PHAX: variants seen among roughly 807,000 people sequenced by gnomAD.
PHAX encodes the protein phosphorylated adaptor for RNA export, also known as phosphorylated adapter RNA export protein.
Under a neutral mutation model 41.6 loss-of-function variants are expected in PHAX, and 31 were observed. The observed-to-expected ratio is 0.75, with a 90% CI of 0.56 to 1.01. PHAX has a LOEUF of 1.01. Ranked by LOEUF, PHAX falls within the 50% of genes least tolerant of loss-of-function variation. The pLI is 0.00. For missense variants in PHAX, 453 were observed against 472.9 expected (o/e 0.96, Z 0.39); for synonymous variants, 175 against 164.9 (o/e 1.06, Z -0.47).
At position 126,621,894 on chromosome 5, in the gene PHAX, G is replaced by A. The variant is rs571779734; in HGVS notation, c.916-2681G>A. On this transcript the variant is annotated intron_variant, in intron 4 of 4. Coordinates refer to ENST00000297540, the MANE Select transcript of PHAX (RefSeq NM_032177.4). ...CAACATGTTGCAACAACATTTTGGG[G>A]ACCATTTCCCACTTTGTTCTATTAA... 7.9e-5 allele frequency among the ~76,000 whole-genome samples: 12 copies of A among 152,286 alleles called. No homozygotes were observed. In the South Asian group the frequency reaches 2.3e-3, roughly 29 times the overall value.
At chr5:126,614,859 C>T (rs766600334) in intron 3 of PHAX, among the ~76,000 whole-genome samples, 8 of 151,970 alleles carry the variant, frequency 5.3e-5, no homozygotes, top group East Asian at 3.8e-4. Flanking sequence ...CGGGTTCAAG[C>T]GATTCTCCTG....
intron 4 of PHAX, among the ~76,000 whole-genome samples, chr5:126,617,570 C>T (rs1171574462): frequency 6.6e-6 from 1 of 152,152 alleles, no homozygotes; most frequent in African/African-American, 2.4e-5. Flanking sequence ...CCTCCGCCTC[C>T]CGGGTTCAAG....
intron 3 of PHAX, among the ~76,000 whole-genome samples, chr5:126,613,068 G>A (rs1270370320): frequency 6.6e-6 from 1 of 152,278 alleles, no homozygotes; most frequent in South Asian, 2.1e-4. Flanking sequence ...AAACCAATTG[G>A]CCAGGCGCAG....
chr5:126,623,272 G>A (rs888103845), intron 4 of PHAX, among the ~76,000 whole-genome samples: 4 of 152,122 alleles, frequency 2.6e-5, no homozygotes, highest in African/African-American at 7.2e-5. Flanking sequence ...GGGTGACAGC[G>A]AGGCCCCATC....
In PHAX at chr5:126,608,396, G is replaced by A. The variant is rs772692926; in HGVS notation, c.743G>A (p.Arg248Gln). 1.4e-5 allele frequency: 22 copies of A among 1,613,434 alleles called. No homozygotes were observed. Among genetic ancestry groups the A allele is most frequent in the Admixed American group, 8.3e-5 (5 of 59,994 alleles). ...GAACCAAAGAAAGACCTGATAGCCCGAGTAGTGAGGATTATTGGTAACAAA... is the reference window on the plus strand; with the variant it reads ...GAACCAAAGAAAGACCTGATAGCCCAAGTAGTGAGGATTATTGGTAACAAA... ...LQEPKKDLIARVVRIIGNKKA... is the reference protein window; with the variant it reads ...LQEPKKDLIAQVVRIIGNKKA... Residue 248 changes from arginine (R) to glutamine (Q), a missense_variant, in exon 3 of 5, where the codon CGA (arginine) becomes CAA (glutamine). Physicochemically the swap from Arg to Gln is conservative, Grantham distance 43. Coordinates refer to ENST00000297540, the MANE Select transcript of PHAX (RefSeq NM_032177.4).
At chr5:126,607,660 C>A (rs553063086) in intron 2 of PHAX, among the ~76,000 whole-genome samples, 2 of 152,124 alleles carry the variant, frequency 1.3e-5, no homozygotes, top group Non-Finnish European at 2.9e-5. Flanking sequence ...ACCTCGGCCT[C>A]CCAAAATGCT....
chr5:126,602,575 A>T (rs1336272792), intron 1 of PHAX, among the ~76,000 whole-genome samples: 1 of 152,248 alleles, frequency 6.6e-6, no homozygotes, highest in Non-Finnish European at 1.5e-5. Context: ...AACAAAGACA[A>T]ATACTTGCTT....
chr5:126,616,753 G>A (rs1412524979), intron 3 of PHAX, among the ~76,000 whole-genome samples: 3 of 151,822 alleles, frequency 2.0e-5, no homozygotes, highest in Non-Finnish European at 4.4e-5. Flanking sequence ...GGTGGGGAGT[G>A]CCTATAATCC....
rs1485296898 is a variant in PHAX at position 126,624,838 on chromosome 5, C to T, written c.1179C>T (p.Ile393=). The change falls in exon 5 of 5, where the codon ATC becomes ATT. Residue 393 remains isoleucine, a synonymous_variant. Coordinates refer to ENST00000297540, the MANE Select transcript of PHAX (RefSeq NM_032177.4). The stretch of plus-strand genomic sequence containing the variant: ...TTGATCATTCTCATGATTTGGACAT[C>T]TTTTAAGTACATTTTCAACAGTTTG... The part of the protein sequence containing the change: ...IEVDHSHDLD[I]F 6.2e-7 allele frequency: 1 copy of T among 1,601,614 alleles called. No homozygotes were observed. The highest frequency in any genetic ancestry group is 8.5e-7 in the Non-Finnish European group (1 of 1,175,214).
intron 3 of PHAX, among the ~76,000 whole-genome samples, chr5:126,610,201 T>C (rs1316708042): frequency 6.6e-6 from 1 of 152,218 alleles, no homozygotes; most frequent in African/African-American, 2.4e-5. Flanking sequence ...TTTGAGAAGC[T>C]CTTTACTGTT....
rs766312513 is a variant in PHAX at position 126,600,948 on chromosome 5, G to A, written c.-15G>A. 3 of 1,589,666 alleles carry A rather than the reference G, an allele frequency of 1.9e-6. No individual in the cohort carries two copies. The highest frequency in any genetic ancestry group is 3.4e-5 in the Admixed American group (2 of 59,080). On this transcript the variant is annotated 5_prime_UTR_variant, in exon 1 of 5. Transcript: ENST00000297540. ...TCCTGACCCGCCGCTGTGCAGCGCAGCGCACCGCGGGAAGATGGCGTTGGA... is the reference window on the plus strand; with the variant it reads ...TCCTGACCCGCCGCTGTGCAGCGCAACGCACCGCGGGAAGATGGCGTTGGA...
chr5:126,617,518 A>G (rs1752204575), intron 4 of PHAX, among the ~76,000 whole-genome samples, 185 bp downstream of exon 4: 3 of 152,034 alleles, frequency 2.0e-5, no homozygotes, highest in Admixed American at 2.0e-4. Flanking sequence ...TCACTCTGTC[A>G]CCCAGGCTGG....
intron 4 of PHAX, among the ~76,000 whole-genome samples, chr5:126,622,850 GCGCGGTGGC>G (rs1752293345): frequency 6.6e-6 from 1 of 152,090 alleles, no homozygotes. Flanking sequence ...ATTGGGCCGG[GCGCGGTGGC>G]TTACCCCTGT....
At chr5:126,614,310 G>T (rs1001915296) in intron 3 of PHAX, among the ~76,000 whole-genome samples, 6 of 151,936 alleles carry the variant, frequency 3.9e-5, no homozygotes, top group African/African-American at 1.5e-4. Context: ...TGTTGGCCAG[G>T]CTGGTCTCAA....
intron 2 of PHAX, among the ~76,000 whole-genome samples, chr5:126,607,346 T>G (rs1478797073): frequency 6.6e-6 from 1 of 150,896 alleles, no homozygotes; most frequent in Non-Finnish European, 1.5e-5. Context: ...AAAAATGCAC[T>G]GCCTCCTGTT....
chr5:126,624,963 G>A lies in PHAX; in HGVS notation c.*119G>A. 1 of 878,088 alleles carries A rather than the reference G, an allele frequency of 1.1e-6. No homozygotes were observed. Among genetic ancestry groups the A allele is most frequent in the Non-Finnish European group, 1.7e-6 (1 of 582,000 alleles). The allele number at this position is 878,088 out of a possible 1,614,324, so 54.4% of individuals were successfully genotyped here. A position where few individuals can be genotyped will look rare whatever the true frequency, so the allele number is the denominator to read the frequency against. On this transcript the variant is annotated 3_prime_UTR_variant, in exon 5 of 5. Transcript: ENST00000297540. ...ATGAGAATCTGGAGGAAAGACAATTGTTTTCTTGTTTAAAATATGTGTGGA... is the reference window on the plus strand; with the variant it reads ...ATGAGAATCTGGAGGAAAGACAATTATTTTCTTGTTTAAAATATGTGTGGA...
rs1033335441 is a variant in PHAX at position 126,626,832 on chromosome 5, A to G, written c.*1988A>G. ...AGGCCGAGGCAGGAGAATCACTTGA[A>G]CCCAGGAGGCAGAGGTTGCAGTGAG... On this transcript the variant is annotated 3_prime_UTR_variant, in exon 5 of 5. Transcript: ENST00000297540. 5 of 152,036 alleles carry G rather than the reference A, an allele frequency of 3.3e-5. No homozygotes were observed. Among genetic ancestry groups the G allele is most frequent in the African/African-American group, 1.2e-4 (5 of 41,386 alleles). 9.4% of individuals were successfully genotyped at this position (152,036 alleles called of 1,614,324 possible). A position where few individuals can be genotyped will look rare whatever the true frequency, so the allele number is the denominator to read the frequency against.
rs560437958 is a variant in PHAX at position 126,617,990 on chromosome 5, A to G, written c.915+657A>G. Among the ~76,000 whole-genome samples the G allele has an allele frequency of 3.1e-3, 472 of 150,996 alleles. 3 individuals are homozygous for G. The highest frequency in any genetic ancestry group is 0.011 in the African/African-American group (447 of 41,176). ...AGACAGGGTCTAAGGACCTGGCTCT[A>G]TTGCCCAGGCTGGAGTGCAGTGGCG... On this transcript the variant is annotated intron_variant, in intron 4 of 4. Coordinates refer to ENST00000297540, the MANE Select transcript of PHAX (RefSeq NM_032177.4).
At chr5:126,610,056 C>CA (rs1752056668) in intron 3 of PHAX, among the ~76,000 whole-genome samples, 1 of 152,116 alleles carries the variant, frequency 6.6e-6, no homozygotes, top group Non-Finnish European at 1.5e-5. Flanking sequence ...GTTATGTAAG[C>CA]ACAGATAGAT....
Sources: allele counts gnomAD v4.1 joint callset (sites outside exome capture counted in the v4.1 genomes callset), GRCh38; gene constraint gnomAD v4.1.1; transcripts MANE v1.5; gene names NCBI Gene and HGNC (gene_info 2026-07-23, HGNC 2026-07-21).